LYPLA1: variants seen among roughly 807,000 people sequenced by gnomAD.
LYPLA1 encodes acyl-protein thioesterase 1.
LYPLA1 carries 17 observed loss-of-function variants against 34.0 expected under a neutral mutation model. The ratio of observed to expected loss-of-function variants is 0.50; its 90% confidence interval spans 0.34 to 0.75. The LOEUF is 0.75. Among genes scored for constraint, LYPLA1 ranks in the 30% least tolerant of loss-of-function variants. LYPLA1 has a pLI of 0.01. For synonymous variants in LYPLA1, 98 were observed against 100.8 expected, an observed-to-expected ratio of 0.97 and a Z score of 0.17; for missense variants, 203 against 288.8, an observed-to-expected ratio of 0.70 and a Z score of 2.15.
chr8:54,053,769 CAA>C (rs1020959737), intron 6 of LYPLA1: 8 of 455,856 alleles, frequency 1.8e-5, no homozygotes, highest in Non-Finnish European at 2.2e-5. Flanking sequence ...AGCAAAGAAA[CAA>C]GAGATGAGAG....
Position 54,048,132 on chromosome 8 carries a change from A to G in LYPLA1, c.640-14T>C. 1.3e-6 allele frequency: 2 copies of G among 1,569,814 alleles called. No individual in the cohort carries two copies. Among genetic ancestry groups the G allele is most frequent in the South Asian group, 2.2e-5 (2 of 89,908 alleles). On this transcript the variant is annotated splice_polypyrimidine_tract_variant and intron_variant, in intron 8 of 8. Coordinates refer to ENST00000316963, the MANE Select transcript of LYPLA1 (RefSeq NM_006330.4). ...ATCCATCATTTCCTGTTTGGAATAA[A>G]GTAATTTAATAGGTAGGTAGTTATG...
chr8:54,057,122 G>A (rs1455609117), intron 5 of LYPLA1, among the ~76,000 whole-genome samples: 1 of 152,198 alleles, frequency 6.6e-6, no homozygotes, highest in Non-Finnish European at 1.5e-5. Context: ...TGGCAAGGAT[G>A]TGGAGAAAAG....
Position 54,047,918 on chromosome 8 carries a change from A to C in LYPLA1, c.*147T>G, listed in dbSNP as rs1586063715. Reference sequence around the variant, plus strand: ...AAGATCATAAATTTCTCATGAGGAGATATTATTTGATCTGTGTTATTGGCA... The same window carrying C: ...AAGATCATAAATTTCTCATGAGGAGCTATTATTTGATCTGTGTTATTGGCA... On this transcript the variant is annotated 3_prime_UTR_variant, in exon 9 of 9. Coordinates refer to ENST00000316963, the MANE Select transcript of LYPLA1 (RefSeq NM_006330.4). 2 of 524,712 alleles carry C rather than the reference A, an allele frequency of 3.8e-6. No homozygotes were observed. Among genetic ancestry groups the C allele is most frequent in the East Asian group, 6.0e-5 (2 of 33,172 alleles). 32.5% of individuals were successfully genotyped at this position (524,712 alleles called of 1,614,324 possible).
At chr8:54,097,465 T>C (rs1563677579) in intron 2 of LYPLA1, among the ~76,000 whole-genome samples, 1 of 152,220 alleles carries the variant, frequency 6.6e-6, no homozygotes, top group Non-Finnish European at 1.5e-5. Flanking sequence ...TAACTAAATA[T>C]AATGTATGAC....
chr8:54,067,878 G>A (rs991686831), intron 2 of LYPLA1, among the ~76,000 whole-genome samples: 2 of 151,624 alleles, frequency 1.3e-5, no homozygotes, highest in East Asian at 1.9e-4. Flanking sequence ...TAGTAGAGAC[G>A]GGGTTTTACT....
intron 2 of LYPLA1, among the ~76,000 whole-genome samples, chr8:54,071,602 A>T (rs961875668): frequency 6.6e-6 from 1 of 152,200 alleles, no homozygotes; most frequent in Non-Finnish European, 1.5e-5. Context: ...TTGTACAAAA[A>T]GCACACATTT....
chr8:54,050,802 TTTGAA>T (rs1306491551), intron 8 of LYPLA1, among the ~76,000 whole-genome samples: 1 of 152,230 alleles, frequency 6.6e-6, no homozygotes, highest in East Asian at 1.9e-4. Flanking sequence ...ATTATTCATC[TTTGAA>T]TTATGTACAA....
intron 2 of LYPLA1, among the ~76,000 whole-genome samples, chr8:54,082,838 C>T (rs1490335367): frequency 7.9e-5 from 12 of 151,950 alleles, no homozygotes; most frequent in East Asian, 3.9e-4. Context: ...GCCATTCTCC[C>T]GCCTCAGCCT....
chr8:54,077,996 G>C (rs949660012), intron 2 of LYPLA1, among the ~76,000 whole-genome samples: 1 of 152,072 alleles, frequency 6.6e-6, no homozygotes, highest in South Asian at 2.1e-4. Context: ...TGTCACCCAG[G>C]CTGGAGTGCA....
At chr8:54,055,183 C>T (rs187154197) in intron 5 of LYPLA1, 50 bp from the exon 6 acceptor site, 1 of 1,076,528 alleles carries the variant, frequency 9.3e-7, no homozygotes, top group Non-Finnish European at 1.4e-6. Flanking sequence ...GTTAAGCCCA[C>T]TGATAAAATT....
intron 2 of LYPLA1, among the ~76,000 whole-genome samples, chr8:54,096,940 G>A (rs1809731832): frequency 6.6e-6 from 1 of 151,548 alleles, no homozygotes; most frequent in African/African-American, 2.4e-5. Context: ...TAAATAAATA[G>A]AAAATAAATC....
chr8:54,070,789 A>C (rs2129340279), intron 2 of LYPLA1, among the ~76,000 whole-genome samples: 1 of 152,350 alleles, frequency 6.6e-6, no homozygotes, highest in South Asian at 2.1e-4. Context: ...AACAATGAGA[A>C]GGAAGTACTG....
At chr8:54,092,851 A>T (rs1809408742) in intron 2 of LYPLA1, among the ~76,000 whole-genome samples, 1 of 152,008 alleles carries the variant, frequency 6.6e-6, no homozygotes, top group Non-Finnish European at 1.5e-5. Context: ...CAAAATCAGG[A>T]CCTGTGTGGT....
chr8:54,051,225 TA>T (rs1805822963), intron 7 of LYPLA1, 37 bp from the exon 8 acceptor site: 1 of 1,538,234 alleles, frequency 6.5e-7, no homozygotes, highest in Non-Finnish European at 8.8e-7. Flanking sequence ...TTTATTTTTG[TA>T]AAAGTATAGG....
intron 2 of LYPLA1, among the ~76,000 whole-genome samples, chr8:54,086,373 T>C (rs1808765763): frequency 7.1e-6 from 1 of 141,090 alleles, no homozygotes; most frequent in Non-Finnish European, 1.5e-5. Context: ...ACTATTGTCC[T>C]ATGACCCTGC....
At chr8:54,100,543 C>G (rs957391604) in intron 2 of LYPLA1, 3 of 260,746 alleles carry the variant, frequency 1.2e-5, no homozygotes, top group Non-Finnish European at 1.5e-5. Context: ...GTTCTCTTAT[C>G]AAAATCAACT....
At chr8:54,069,028 A>G (rs184622748) in intron 2 of LYPLA1, among the ~76,000 whole-genome samples, 1 of 152,346 alleles carries the variant, frequency 6.6e-6, no homozygotes, top group East Asian at 1.9e-4. Context: ...TGTCCAAAGA[A>G]GATATACAAA....
intron 2 of LYPLA1, among the ~76,000 whole-genome samples, chr8:54,078,518 C>T (rs907653765): frequency 1.3e-5 from 2 of 152,184 alleles, no homozygotes; most frequent in African/African-American, 4.8e-5. Context: ...AAAACACATC[C>T]GTACGCTGCT....
chr8:54,080,293 A>G (rs1355935672), intron 2 of LYPLA1, among the ~76,000 whole-genome samples: 2 of 151,982 alleles, frequency 1.3e-5, no homozygotes, highest in Admixed American at 6.6e-5. Flanking sequence ...TGGGAGTTGT[A>G]CTGAGCCACG....
Sources: gnomAD v4.1 joint callset for allele counts (sites outside exome capture counted in the v4.1 genomes callset) on GRCh38, gnomAD v4.1.1 for gene constraint, MANE v1.5 for transcripts, NCBI Gene and HGNC (gene_info 2026-07-23, HGNC 2026-07-21) for gene names.